AGT: variants seen among roughly 807,000 people sequenced by gnomAD.
The protein encoded by AGT is alpha-1 antiproteinase, antitrypsin.
Under a neutral mutation model 28.1 loss-of-function variants are expected in AGT, and 26 were observed. That is an observed-to-expected ratio of 0.92 (90% CI 0.68 to 1.28). The LOEUF (loss-of-function observed/expected upper bound fraction) is 1.28. Among genes scored for constraint, AGT ranks in the 50% most tolerant of loss-of-function variants. The probability of loss-of-function intolerance (pLI) is 0.00; values close to 1 mark genes in which losing one functional copy is unlikely to be tolerated. For missense variants in AGT, 596 were observed against 592.3 expected (o/e 1.01, Z -0.06); for synonymous variants, 259 against 259.6 (o/e 1.00, Z 0.02).
At chr1:230,732,291 G>A (rs73102665) in intron 1 of AGT, among the ~76,000 whole-genome samples, 3,234 of 152,100 alleles carry the variant, frequency 0.021, 113 homozygotes, top group African/African-American at 0.072. Context: ...ATGAGCCACC[G>A]AGCCTGGCCA....
intron 1 of AGT, among the ~76,000 whole-genome samples, chr1:230,744,667 C>T (rs1184598640): frequency 4.6e-5 from 7 of 152,174 alleles, no homozygotes; most frequent in Non-Finnish European, 1.5e-5. Context: ...AGCAACTATA[C>T]TAAGACTCTA....
chr1:230,730,614 G>A (rs909334050), intron 1 of AGT, among the ~76,000 whole-genome samples: 2 of 152,166 alleles, frequency 1.3e-5, no homozygotes, highest in East Asian at 3.9e-4. Context: ...GGCTCCATAA[G>A]CAGGTGAGCT....
intron 1 of AGT, among the ~76,000 whole-genome samples, chr1:230,711,927 G>T (rs1044090747): frequency 6.6e-6 from 1 of 152,064 alleles, no homozygotes; most frequent in Non-Finnish European, 1.5e-5. Flanking sequence ...CAAAGGCCTT[G>T]CAGCTGGGCT....
chr1:230,729,977 C>G (rs554892161), intron 1 of AGT, among the ~76,000 whole-genome samples: 1 of 151,854 alleles, frequency 6.6e-6, no homozygotes, highest in Non-Finnish European at 1.5e-5. Flanking sequence ...CTGGCTAACA[C>G]GGTGAAAACC....
chr1:230,739,030 C>T (rs1349557167), intron 1 of AGT, among the ~76,000 whole-genome samples: 1 of 151,984 alleles, frequency 6.6e-6, no homozygotes, highest in Non-Finnish European at 1.5e-5. Flanking sequence ...ACTCTTGCTA[C>T]TATGTAACAG....
In AGT at chr1:230,703,227, G is replaced by T; in HGVS notation, c.1345C>A (p.Arg449Ser). ...KPEVLEVTLN[R>S]PFLFAVYDQS... The stretch of plus-strand genomic sequence containing the variant: ...TCATACACAGCAAACAGGAATGGGC[G>T]GTTCAGGGTCACCTCCAAGACCTCA... Residue 449 changes from arginine (R) to serine (S), a missense_variant, in exon 5 of 5, where the codon CGC becomes AGC. By Grantham distance (110) the Arg-to-Ser change is moderately radical (BLOSUM62 -1). Transcript: ENST00000366667. 6.2e-7 allele frequency: 1 copy of T among 1,614,198 alleles called. No individual in the cohort carries two copies. The highest frequency in any genetic ancestry group is 8.5e-7 in the Non-Finnish European group (1 of 1,180,042).
chr1:230,727,926 G>C (rs562118102), intron 1 of AGT, among the ~76,000 whole-genome samples: 5 of 152,188 alleles, frequency 3.3e-5, no homozygotes, highest in African/African-American at 1.2e-4. Flanking sequence ...TATACACATA[G>C]AGCCACCTGA....
In AGT at chr1:230,704,191, A is replaced by T; in HGVS notation, c.1242+2T>A. The T allele has an allele frequency of 6.2e-7, 1 of 1,613,398 alleles. No individual in the cohort carries two copies. The highest frequency in any genetic ancestry group is 8.5e-7 in the Non-Finnish European group (1 of 1,179,910). ...CAGGCACAGACACAGGCTCACACAT[A>T]CCTCCCCCACCCTGATGCGGTCATT... On this transcript the variant is annotated splice_donor_variant, in intron 4 of 4. Coordinates refer to ENST00000366667, the MANE Select transcript of AGT (RefSeq NM_001384479.1). LOFTEE classifies it high-confidence loss of function.
At chr1:230,733,480 C>T (rs1384972085) in intron 1 of AGT, among the ~76,000 whole-genome samples, 12 of 152,088 alleles carry the variant, frequency 7.9e-5, no homozygotes, top group African/African-American at 2.4e-4. Flanking sequence ...CTCCAGTGAG[C>T]GCCTTTAGTT....
intron 1 of AGT, among the ~76,000 whole-genome samples, chr1:230,737,264 T>G (rs1172605717): frequency 6.6e-6 from 1 of 152,144 alleles, no homozygotes; most frequent in Non-Finnish European, 1.5e-5. Flanking sequence ...CTGCACAAAG[T>G]GCCATGCGTA....
Position 230,734,610 on chromosome 1 carries a change from A to ATG in AGT, c.-31+10903_-31+10904dup, listed in dbSNP as rs59787972. On this transcript the variant is annotated intron_variant, in intron 1 of 4. Transcript: ENST00000681269. ...TTATAAATATATATATGGTGTGTGT[A>ATG]TGTGTGTGTGTGTGTGTGTGTTTCA... 2.7e-3 allele frequency among the ~76,000 whole-genome samples: 410 copies of ATG among 150,302 alleles called. 4 individuals carry two copies. The highest frequency in any genetic ancestry group is 7.9e-3 in the African/African-American group (324 of 40,984).
At position 230,704,328 on chromosome 1, in the gene AGT, GT is replaced by G; in HGVS notation, c.1106del (p.His369ProfsTer2). On this transcript the variant is annotated frameshift_variant, in exon 4 of 5. Coordinates refer to ENST00000366667, the MANE Select transcript of AGT (RefSeq NM_001384479.1). LOFTEE classifies it high-confidence loss of function. Reference protein sequence around the residue: ...WMKKLSPRTIHLTMPQLVLQG... With the variant: ...WMKKLSPRTIXLTMPQLVLQG... The stretch of plus-strand genomic sequence containing the variant: ...GCAGCACCAGTTGGGGCATGGTCAG[GT>G]GGATGGTCCTGGGGAGATGATGCAC... 1 of 1,614,210 alleles carries G rather than the reference GT, an allele frequency of 6.2e-7. No homozygotes were observed. Among genetic ancestry groups the G allele is most frequent in the Non-Finnish European group, 8.5e-7 (1 of 1,180,038 alleles).
chr1:230,728,790 C>G (rs1663999280), intron 1 of AGT, among the ~76,000 whole-genome samples: 2 of 152,178 alleles, frequency 1.3e-5, no homozygotes, highest in African/African-American at 4.8e-5. Flanking sequence ...TAGTTTTGCT[C>G]TTGCCTCACA....
At chr1:230,735,273 T>G (rs959118726) in intron 1 of AGT, among the ~76,000 whole-genome samples, 1 of 152,152 alleles carries the variant, frequency 6.6e-6, no homozygotes, top group South Asian at 2.1e-4. Flanking sequence ...GGGGGCACAG[T>G]GCTGTTTCTC....
At chr1:230,719,383 T>TTTTTATTATTATTATTATTA (rs1553314955), upstream of AGT, among the ~76,000 whole-genome samples, 3 of 147,730 alleles carry the variant, frequency 2.0e-5, no homozygotes, top group Admixed American at 1.4e-4. Context: ...CTTTCTATTT[T>TTTTTATTATTATTATTATTA]TTATTATTAT....
At chr1:230,728,219 T>A (rs2148579) in intron 1 of AGT, among the ~76,000 whole-genome samples, 1 of 151,736 alleles carries the variant, frequency 6.6e-6, no homozygotes, top group Admixed American at 6.6e-5. Context: ...GGGTCTAGAG[T>A]AGTGATGTTA....
chr1:230,709,696 C>T (rs1663514495), intron 2 of AGT, among the ~76,000 whole-genome samples: 1 of 152,152 alleles, frequency 6.6e-6, no homozygotes. Context: ...TTCTCCGAGT[C>T]TCTATTTCTT....
chr1:230,735,868 T>C (rs1315459515), intron 1 of AGT, among the ~76,000 whole-genome samples: 1 of 152,218 alleles, frequency 6.6e-6, no homozygotes, highest in African/African-American at 2.4e-5. Context: ...ATGGTCTTCC[T>C]GCCCACATCT....
At chr1:230,729,574 C>T (rs1664012940) in intron 1 of AGT, among the ~76,000 whole-genome samples, 1 of 152,164 alleles carries the variant, frequency 6.6e-6, no homozygotes, top group Non-Finnish European at 1.5e-5. Context: ...GAGACAGTGG[C>T]CCCAGCTCCC....
Sources: gnomAD v4.1 joint callset for allele counts (sites outside exome capture counted in the v4.1 genomes callset) on GRCh38, gnomAD v4.1.1 for gene constraint, MANE v1.5 for transcripts, NCBI Gene and HGNC (gene_info 2026-07-23, HGNC 2026-07-21) for gene names.